RNF111: variants seen among roughly 807,000 people sequenced by gnomAD.
RNF111 encodes E3 ubiquitin-protein ligase Arkadia.
In RNF111, 17 loss-of-function variants were observed where a neutral mutation model predicts 95.1. The observed-to-expected ratio is 0.18, with a 90% CI of 0.12 to 0.27. The LOEUF (loss-of-function observed/expected upper bound fraction) is 0.27. RNF111 is among the 10% of genes least tolerant of loss of function. RNF111 has a pLI of 1.00. For missense variants in RNF111, 1,189 were observed against 1,210.4 expected (o/e 0.98, Z 0.26); for synonymous variants, 440 against 414.8 (o/e 1.06, Z -0.74).
chr15:59,031,316 A>G lies in RNF111; in HGVS notation c.494A>G (p.His165Arg), dbSNP rs748629352. The change falls in exon 2 of 14, where the codon CAT (histidine) becomes CGT (arginine). Residue 165 changes from histidine (H) to arginine (R), a missense_variant. Physicochemically the swap from His to Arg is conservative, Grantham distance 29. Around this residue, in one of 2 missense-constraint regions of RNF111, gnomAD observed 1,024 missense variants for 925.9 expected, o/e 1.11. Transcript: ENST00000348370. ...GAGGATAAAGAAGTCTCTGTAAGAC[A>G]TTCCCAGACCATTTTGAATGCTAAA... ...SDEDKEVSVR[H>R]SQTILNAKSR... 1.9e-6 allele frequency: 3 copies of G among 1,614,198 alleles called. No homozygotes were observed. The highest frequency in any genetic ancestry group is 2.2e-5 in the South Asian group (2 of 91,076).
At chr15:59,043,955 A>G (rs2041587924) in intron 2 of RNF111, among the ~76,000 whole-genome samples, 2 of 152,204 alleles carry the variant, frequency 1.3e-5, no homozygotes. Context: ...TCTAAGCTTC[A>G]GTTTCTTGAT....
chr15:59,025,493 T>G (rs1567221389), intron 1 of RNF111, among the ~76,000 whole-genome samples: 1 of 152,194 alleles, frequency 6.6e-6, no homozygotes, highest in Non-Finnish European at 1.5e-5. Flanking sequence ...TTATAGGTAG[T>G]AGAAGAGAAT....
At chr15:59,063,617 A>G (rs1314312959) in intron 5 of RNF111, among the ~76,000 whole-genome samples, 1 of 152,074 alleles carries the variant, frequency 6.6e-6, no homozygotes, top group Non-Finnish European at 1.5e-5. Flanking sequence ...TTGGGTAGTA[A>G]CTCTCGAATG....
intron 1 of RNF111, among the ~76,000 whole-genome samples, chr15:59,024,826 C>G (rs2040519938): frequency 6.6e-6 from 1 of 152,138 alleles, no homozygotes; most frequent in East Asian, 1.9e-4. Context: ...AACACTAACT[C>G]CTATTCTCCC....
chr15:59,014,852 C>G (rs1307346246), intron 1 of RNF111, among the ~76,000 whole-genome samples: 1 of 151,690 alleles, frequency 6.6e-6, no homozygotes, highest in Non-Finnish European at 1.5e-5. Context: ...ACCTCCTGGG[C>G]TCAAGCGATT....
At chr15:59,016,102 G>T (rs1297327526) in intron 1 of RNF111, among the ~76,000 whole-genome samples, 2 of 151,658 alleles carry the variant, frequency 1.3e-5, no homozygotes, top group Non-Finnish European at 2.9e-5. Context: ...CTCCAAGAGT[G>T]CTAGGATTAC....
Position 59,067,755 on chromosome 15 carries a change from T to C in RNF111, c.1686+672T>C. Among the ~76,000 whole-genome samples the C allele has an allele frequency of 1.3e-5, 2 of 152,222 alleles. 1 individual carries two copies. Among genetic ancestry groups the C allele is most frequent in the Non-Finnish European group, 2.9e-5 (2 of 68,030 alleles). ...TAAACAAATTGTTGAAACTCTAGTG[T>C]CCAGCTAATTCATGAAAAATTGGAA... On this transcript the variant is annotated intron_variant, in intron 6 of 13. Coordinates refer to ENST00000348370, the MANE Select transcript of RNF111 (RefSeq NM_017610.8).
At position 59,075,942 on chromosome 15, in the gene RNF111, C is replaced by G; in HGVS notation, c.1687-12C>G. ...ACTTTAGAAAGATAAAATATACTTC[C>G]TTTTTATCTAGCAGGCATTGCCAGT... On this transcript the variant is annotated splice_polypyrimidine_tract_variant and intron_variant, in intron 6 of 13. Coordinates refer to ENST00000348370, the MANE Select transcript of RNF111 (RefSeq NM_017610.8). The G allele has an allele frequency of 6.2e-7, 1 of 1,611,866 alleles. No homozygotes were observed. The highest frequency in any genetic ancestry group is 8.5e-7 in the Non-Finnish European group (1 of 1,178,316).
At position 59,087,673 on chromosome 15, in the gene RNF111, A is replaced by G. The variant is rs140019770; in HGVS notation, c.2550+1888A>G. Reference sequence around the variant, plus strand: ...TATCATTATAAAGGTCTCTTTCCTTATTGTCTTCACATTGAGTAAGCTGAA... The same window carrying G: ...TATCATTATAAAGGTCTCTTTCCTTGTTGTCTTCACATTGAGTAAGCTGAA... On this transcript the variant is annotated intron_variant, in intron 10 of 13. Coordinates refer to ENST00000348370, the MANE Select transcript of RNF111 (RefSeq NM_017610.8). Among the ~76,000 whole-genome samples the G allele has an allele frequency of 3.0e-4, 45 of 152,278 alleles. No homozygotes were observed. In the South Asian group the frequency reaches 3.7e-3, roughly 13 times the overall value.
intron 1 of RNF111, among the ~76,000 whole-genome samples, chr15:58,989,026 T>C (rs570201782): frequency 6.6e-6 from 1 of 152,344 alleles, no homozygotes; most frequent in East Asian, 1.9e-4. Flanking sequence ...AAACATAAGC[T>C]AAGGTTCCAT....
intron 10 of RNF111, among the ~76,000 whole-genome samples, chr15:59,086,771 G>T (rs1417020589): frequency 6.6e-6 from 1 of 152,162 alleles, no homozygotes; most frequent in Non-Finnish European, 1.5e-5. Flanking sequence ...GTGAGGGTCA[G>T]GCAGCAGTGA....
At chr15:58,993,058 T>C (rs1298534199) in intron 1 of RNF111, among the ~76,000 whole-genome samples, 1 of 151,506 alleles carries the variant, frequency 6.6e-6, no homozygotes, top group East Asian at 1.9e-4. Context: ...TAATCCCAGC[T>C]ACTTGGGAGG....
chr15:59,020,685 A>G (rs1454324591), intron 1 of RNF111, among the ~76,000 whole-genome samples: 3 of 152,156 alleles, frequency 2.0e-5, no homozygotes, highest in South Asian at 4.1e-4. Flanking sequence ...ATTGAAACCT[A>G]TTAGTTGAGA....
intron 1 of RNF111, among the ~76,000 whole-genome samples, chr15:59,024,981 A>G (rs977287904): frequency 1.2e-4 from 19 of 152,342 alleles, no homozygotes; most frequent in African/African-American, 4.6e-4. Context: ...AGATTCATCC[A>G]TGTTGTAATG....
chr15:59,023,680 A>T (rs1274973266), intron 1 of RNF111, among the ~76,000 whole-genome samples: 1 of 152,198 alleles, frequency 6.6e-6, no homozygotes, highest in Non-Finnish European at 1.5e-5. Context: ...CCCTTGTTTA[A>T]ATGAGTTTAC....
chr15:58,996,792 T>C (rs2039095980), intron 1 of RNF111, among the ~76,000 whole-genome samples: 1 of 151,974 alleles, frequency 6.6e-6, no homozygotes, highest in South Asian at 2.1e-4. Flanking sequence ...TTTTTCAAAG[T>C]AATATTTTGA....
At chr15:59,023,540 A>G (rs111501184) in intron 1 of RNF111, among the ~76,000 whole-genome samples, 1 of 145,404 alleles carries the variant, frequency 6.9e-6, no homozygotes, top group African/African-American at 2.5e-5. Context: ...TTATTTATAT[A>G]TTTTTGGTAA....
chr15:59,095,246 G>A lies in RNF111; in HGVS notation c.*346G>A, dbSNP rs1455079425. ...GTAAGTAGAATTTTGTGGTCTTTTT[G>A]TTTTTTACATAGTACCAAGCCTTGA... On this transcript the variant is annotated 3_prime_UTR_variant, in exon 14 of 14. Coordinates refer to ENST00000348370, the MANE Select transcript of RNF111 (RefSeq NM_017610.8). 4.2e-6 allele frequency: 1 copy of A among 240,254 alleles called. No individual in the cohort carries two copies. The highest frequency in any genetic ancestry group is 5.6e-5 in the Admixed American group (1 of 17,860). The allele number at this position is 240,254 out of a possible 1,614,324, so 14.9% of individuals were successfully genotyped here.
chr15:59,001,529 T>C (rs2039324349), intron 1 of RNF111, among the ~76,000 whole-genome samples: 1 of 152,182 alleles, frequency 6.6e-6, no homozygotes, highest in African/African-American at 2.4e-5. Flanking sequence ...AAATGTGAAC[T>C]TTTGCTTTTG....
Sources: allele counts gnomAD v4.1 joint callset (sites outside exome capture counted in the v4.1 genomes callset), GRCh38; gene constraint gnomAD v4.1.1; regional missense constraint gnomAD v4.1.1; transcripts MANE v1.5; gene names NCBI Gene and HGNC (gene_info 2026-07-23, HGNC 2026-07-21).